RINL: variants seen among roughly 807,000 people sequenced by gnomAD.
RINL encodes the protein ras and Rab interactor-like protein.
A neutral mutation model predicts 58.1 loss-of-function variants in RINL; 39 were observed. The ratio of observed to expected loss-of-function variants is 0.67; its 90% confidence interval spans 0.52 to 0.88. The LOEUF (loss-of-function observed/expected upper bound fraction) is 0.88, where lower values mean the gene tolerates loss of function less well. Among genes scored for constraint, RINL ranks in the 40% least tolerant of loss-of-function variants. The pLI is 0.00. For synonymous variants in RINL, 286 were observed against 323.1 expected, an observed-to-expected ratio of 0.89 and a Z score of 1.23; for missense variants, 711 against 749.2, an observed-to-expected ratio of 0.95 and a Z score of 0.60.
chr19:38,874,715 T>C (rs1294023176), intron 3 of RINL, among the ~76,000 whole-genome samples: 1 of 152,174 alleles, frequency 6.6e-6, no homozygotes. Flanking sequence ...TATTCCACAT[T>C]CCTTGCAGAA....
chr19:38,870,728 G>T lies in RINL; in HGVS notation c.866C>A (p.Ser289Tyr). 1 of 1,613,538 alleles carries T rather than the reference G, an allele frequency of 6.2e-7. No individual in the cohort carries two copies. Among genetic ancestry groups the T allele is most frequent in the East Asian group, 2.2e-5 (1 of 44,864 alleles). ...GTCCCCAGACCCGTGGGGACCCCCA[G>T]AATCTGAGGCGATGCGCACCCGAAG... ...RSLRVRIASD[S>Y]GGPHGSGDPA... Residue 289 changes from serine to tyrosine, a missense_variant, in exon 8 of 12, where the codon TCT becomes TAT. Physicochemically the swap from Ser to Tyr is moderately radical, Grantham distance 144 (BLOSUM62 -2). Transcript: ENST00000591812. The surrounding 1 kb of genome is among the most constrained non-coding windows in gnomAD (Gnocchi z 5.8).
chr19:38,869,001 G>C lies in RINL; in HGVS notation c.*103C>G. The stretch of plus-strand genomic sequence containing the variant: ...TTTTTTGGTAGATGGGGGTCCCACT[G>C]TTTTGCCCAGGCTGGTCTCAAACTC... On this transcript the variant is annotated 3_prime_UTR_variant, in exon 12 of 12. Transcript: ENST00000591812. This position sits in a 1 kb window ranked among gnomAD's most constrained non-coding sequence, Gnocchi z 5.7. The C allele has an allele frequency of 1.0e-6, 1 of 977,588 alleles. No homozygotes were observed. Among genetic ancestry groups the C allele is most frequent in the Non-Finnish European group, 1.5e-6 (1 of 686,402 alleles). The allele number at this position is 977,588 out of a possible 1,614,324, so 60.6% of individuals were successfully genotyped here.
Position 38,869,447 on chromosome 19 carries a change from G to A in RINL, c.1475-37C>T. On this transcript the variant is annotated intron_variant, in intron 10 of 11. Coordinates refer to ENST00000591812, the MANE Select transcript of RINL (RefSeq NM_001195833.2). The surrounding 1 kb of genome is among the most constrained non-coding windows in gnomAD (Gnocchi z 5.7). Reference sequence around the variant, plus strand: ...AAGGGAAGTCAGCTCCGCCCTCTCGGCTTCCCTGGTCGCCCCAAATCCCCC... The same window carrying A: ...AAGGGAAGTCAGCTCCGCCCTCTCGACTTCCCTGGTCGCCCCAAATCCCCC... 6.3e-7 allele frequency: 1 copy of A among 1,575,858 alleles called. No homozygotes were observed.
At chr19:38,877,877 A>C (rs1159450024) in intron 1 of RINL, among the ~76,000 whole-genome samples, 1 of 151,970 alleles carries the variant, frequency 6.6e-6, no homozygotes, top group Non-Finnish European at 1.5e-5. Flanking sequence ...CCCTGGAGAG[A>C]GGGTGATGAA....
Position 38,869,182 on chromosome 19 carries a change from G to A in RINL, c.1639-16C>T. The A allele has an allele frequency of 1.2e-6, 2 of 1,614,094 alleles. No homozygotes were observed. The highest frequency in any genetic ancestry group is 4.5e-5 in the East Asian group (2 of 44,872). On this transcript the variant is annotated splice_polypyrimidine_tract_variant and intron_variant, in intron 11 of 11. Coordinates refer to ENST00000591812, the MANE Select transcript of RINL (RefSeq NM_001195833.2). This position sits in a 1 kb window ranked among gnomAD's most constrained non-coding sequence, Gnocchi z 5.7. ...GCAGGTTGGCCTGTGGGGAGAGGTG[G>A]GAGCTGGGTCAGAAGGGCACCAGGT...
chr19:38,877,779 C>G (rs192552799), intron 1 of RINL, among the ~76,000 whole-genome samples: 2 of 152,070 alleles, frequency 1.3e-5, no homozygotes, highest in African/African-American at 4.8e-5. Context: ...GGGGGAGGAT[C>G]CATCCTCCCT....
Position 38,871,835 on chromosome 19 carries a change from C to T in RINL, c.349G>A (p.Asp117Asn). The T allele has an allele frequency of 6.2e-7, 1 of 1,614,110 alleles. No individual in the cohort carries two copies. Among genetic ancestry groups the T allele is most frequent in the South Asian group, 1.1e-5 (1 of 91,082 alleles). ...AGAAAGGCCAGGAGATGGGGCAGGTCTGGCATGCAGAGGTTGGAGGATTCC... is the reference window on the plus strand; with the variant it reads ...AGAAAGGCCAGGAGATGGGGCAGGTTTGGCATGCAGAGGTTGGAGGATTCC... ...SLESSNLCMPDLPHLLAFLSA... is the reference protein window; with the variant it reads ...SLESSNLCMPNLPHLLAFLSA... The change falls in exon 5 of 12, where the codon GAC becomes AAC. Residue 117 changes from aspartate to asparagine, a missense_variant. By Grantham distance (23) the Asp-to-Asn change is conservative. Transcript: ENST00000591812.
At position 38,868,960 on chromosome 19, in the gene RINL, A is replaced by ATT; in HGVS notation, c.*142_*143dup. Reference sequence around the variant, plus strand: ...AGGAGTACGCCACCACGCCCGGCTAATTTTTGTTTTTTTTTTTTTTTGGTA... The same window carrying ATT: ...AGGAGTACGCCACCACGCCCGGCTAATTTTTTTGTTTTTTTTTTTTTTTGGTA... On this transcript the variant is annotated 3_prime_UTR_variant, in exon 12 of 12. Transcript: ENST00000591812. 1 of 715,100 alleles carries ATT rather than the reference A, an allele frequency of 1.4e-6. No individual in the cohort carries two copies. The highest frequency in any genetic ancestry group is 2.1e-5 in the South Asian group (1 of 47,970). The allele number at this position is 715,100 out of a possible 1,614,324, so 44.3% of individuals were successfully genotyped here.
intron 4 of RINL, among the ~76,000 whole-genome samples, chr19:38,872,874 A>G (rs1270560202): frequency 7.9e-6 from 1 of 126,326 alleles, no homozygotes; most frequent in Non-Finnish European, 1.7e-5. Context: ...AACTTAAAGT[A>G]CGATAAAAAA....
In RINL at chr19:38,869,343, G is replaced by A. The variant is rs892466769; in HGVS notation, c.1542C>T (p.Asp514=). Residue 514 remains aspartate, a synonymous_variant, in exon 11 of 12, where the codon GAC becomes GAT. Coordinates refer to ENST00000591812, the MANE Select transcript of RINL (RefSeq NM_001195833.2). The surrounding 1 kb of genome is among the most constrained non-coding windows in gnomAD (Gnocchi z 5.7). ...CGGAGCTGAGCCCCCGGGGAGCGCG[G>A]TCTGTTTCGGGCTGGTAGTGGGCAA... is the stretch of plus-strand genomic sequence containing the variant. ...HHIAHYQPET[D]RAPRGLSSEA... 1.9e-6 allele frequency: 3 copies of A among 1,613,896 alleles called. No homozygotes were observed. The East Asian group carries it at 6.7e-5, about 36-fold the overall frequency.
At chr19:38,875,181 T>C (rs1838223259) in intron 3 of RINL, among the ~76,000 whole-genome samples, 1 of 149,484 alleles carries the variant, frequency 6.7e-6, no homozygotes, top group Non-Finnish European at 1.5e-5. Flanking sequence ...AAAATATTGC[T>C]ACCTGGGCCC....
chr19:38,872,306 C>A (rs1600092890), intron 4 of RINL, among the ~76,000 whole-genome samples: 1 of 150,892 alleles, frequency 6.6e-6, no homozygotes, highest in Non-Finnish European at 1.5e-5. Flanking sequence ...GCCAACATGG[C>A]GAAACCCCAT....
chr19:38,874,132 G>A, intron 3 of RINL, 144 bp from the exon 4 acceptor site: 1 of 618,056 alleles, frequency 1.6e-6, no homozygotes, highest in South Asian at 1.8e-5. Context: ...TTCAGTCCAT[G>A]TGTGTTGGGC....
At chr19:38,872,027 G>A (rs1046236408) in intron 4 of RINL, among the ~76,000 whole-genome samples, 157 bp from the exon 5 acceptor site, 2 of 152,140 alleles carry the variant, frequency 1.3e-5, no homozygotes, top group Admixed American at 6.6e-5. Flanking sequence ...TTACTCTTGT[G>A]TACCACTTAT....
rs1383123778 is a variant in RINL, at chr19:38,876,697, C to A, written c.46G>T (p.Val16Leu). The A allele has an allele frequency of 2.6e-6, 4 of 1,536,048 alleles. No homozygotes were observed. The African/African-American group carries it at 5.5e-5, about 21-fold the overall frequency. Residue 16 changes from valine to leucine, a missense_variant, in exon 2 of 12, where the codon GTG (valine) becomes TTG (leucine). By Grantham distance (32) the Val-to-Leu change is conservative. Transcript: ENST00000591812. The part of the protein sequence containing the change: ...DKAPEVPTEG[V>L]RLVPPQVNKA... ...CCTCAGCCCTAGTAGCCTCACCTCACCCCCTCTGTGGGGACTTCAGGTGCC... is the reference window on the plus strand; with the variant it reads ...CCTCAGCCCTAGTAGCCTCACCTCAACCCCTCTGTGGGGACTTCAGGTGCC...
At chr19:38,874,713 A>C (rs764867080) in intron 3 of RINL, among the ~76,000 whole-genome samples, 1 of 152,202 alleles carries the variant, frequency 6.6e-6, no homozygotes, top group Non-Finnish European at 1.5e-5. Flanking sequence ...CCTATTCCAC[A>C]TTCCTTGCAG....
chr19:38,874,051 T>A, intron 3 of RINL, 63 bp from the exon 4 acceptor site: 1 of 1,002,206 alleles, frequency 1.0e-6, no homozygotes, highest in Non-Finnish European at 1.5e-6. Flanking sequence ...TGCTTTTGCC[T>A]GACTAGCATC....
Position 38,869,461 on chromosome 19 carries a change from C to T in RINL, c.1475-51G>A, listed in dbSNP as rs750184298. ...CCGCCCTCTCGGCTTCCCTGGTCGC[C>T]CCAAATCCCCCTGCAGTTTGCCTGC... On this transcript the variant is annotated intron_variant, in intron 10 of 11. Transcript: ENST00000591812. This position sits in a 1 kb window ranked among gnomAD's most constrained non-coding sequence, Gnocchi z 5.7. The T allele has an allele frequency of 7.0e-6, 11 of 1,576,800 alleles. No homozygotes were observed. The highest frequency in any genetic ancestry group is 1.2e-5 in the South Asian group (1 of 86,166).
At position 38,873,942 on chromosome 19, in the gene RINL, C is replaced by T; in HGVS notation, c.257G>A (p.Arg86Lys). 1.3e-6 allele frequency: 2 copies of T among 1,535,912 alleles called. No homozygotes were observed. Among genetic ancestry groups the T allele is most frequent in the Non-Finnish European group, 1.7e-6 (2 of 1,146,794 alleles). ...GACTTCTCCTGGTAAAGGTCCTGAC[C>T]TCAACACCAGGGCCTGGCTGGGGTC... ...GRDPSQALVL[R>K]SGPLPGEVNT... The change falls in exon 4 of 12, where the codon AGG becomes AAG. Residue 86 changes from arginine (R) to lysine (K), a missense_variant. By Grantham distance (26) the Arg-to-Lys change is conservative. Coordinates refer to ENST00000591812, the MANE Select transcript of RINL (RefSeq NM_001195833.2).
Sources: gnomAD v4.1 joint callset for allele counts (sites outside exome capture counted in the v4.1 genomes callset) on GRCh38, gnomAD v4.1.1 for gene constraint, Gnocchi (gnomAD v3.1) non-coding constraint, MANE v1.5 for transcripts, NCBI Gene and HGNC (gene_info 2026-07-23, HGNC 2026-07-21) for gene names.